The following KCNH7 variants were observed in gnomAD, a reference collection of about 807,000 sequenced individuals.
KCNH7 encodes voltage-gated inwardly rectifying potassium channel KCNH7.
KCNH7 carries 49 observed loss-of-function variants against 120.8 expected under a neutral mutation model. That is an observed-to-expected ratio of 0.41 (90% CI 0.32 to 0.51). The LOEUF (loss-of-function observed/expected upper bound fraction) is 0.51, where lower values mean the gene tolerates loss of function less well. Among genes scored for constraint, KCNH7 ranks in the 20% least tolerant of loss-of-function variants. The probability of loss-of-function intolerance (pLI) is 0.38; values close to 1 mark genes in which losing one functional copy is unlikely to be tolerated. For missense variants in KCNH7, 1,097 were observed against 1,446.6 expected (o/e 0.76, Z 3.92); for synonymous variants, 547 against 516.1 (o/e 1.06, Z -0.81).
At chr2:162,764,727 T>C (rs1436055218) in intron 2 of KCNH7, among the ~76,000 whole-genome samples, 2 of 152,198 alleles carry the variant, frequency 1.3e-5, no homozygotes, top group African/African-American at 4.8e-5. Context: ...AAGACATTTG[T>C]AAAAATGTCC....
intron 6 of KCNH7, among the ~76,000 whole-genome samples, chr2:162,474,219 AT>A (rs1689657892): frequency 6.6e-6 from 1 of 152,254 alleles, no homozygotes; most frequent in Admixed American, 6.5e-5. Context: ...CAGAACCAGG[AT>A]TAGAAGCCAG....
chr2:162,533,400 G>T (rs527712293), intron 3 of KCNH7, among the ~76,000 whole-genome samples: 1 of 151,584 alleles, frequency 6.6e-6, no homozygotes, highest in African/African-American at 2.4e-5. Flanking sequence ...ATAAAGAAAA[G>T]CTTCACATTG....
chr2:162,640,968 C>T (rs1216530308), intron 2 of KCNH7, among the ~76,000 whole-genome samples: 1 of 151,962 alleles, frequency 6.6e-6, no homozygotes, highest in Non-Finnish European at 1.5e-5. Flanking sequence ...CAAATTAAAA[C>T]CAAAATGAGA....
At chr2:162,729,097 A>C (rs888571448) in intron 2 of KCNH7, among the ~76,000 whole-genome samples, 4 of 151,450 alleles carry the variant, frequency 2.6e-5, no homozygotes, top group Non-Finnish European at 4.4e-5. Context: ...ATATATGTAC[A>C]TCTGTCTCTC....
At chr2:162,501,381 C>T (rs896837884) in intron 6 of KCNH7, among the ~76,000 whole-genome samples, 1 of 152,016 alleles carries the variant, frequency 6.6e-6, no homozygotes, top group Non-Finnish European at 1.5e-5. Context: ...TCATACCTCT[C>T]CAGTTGGGGT....
chr2:162,731,707 C>A (rs1687736633), intron 2 of KCNH7, among the ~76,000 whole-genome samples: 1 of 151,730 alleles, frequency 6.6e-6, no homozygotes, highest in South Asian at 2.1e-4. Context: ...TGAAAATGAT[C>A]TATACTAAAT....
At chr2:162,402,912 T>C (rs963905130) in intron 9 of KCNH7, among the ~76,000 whole-genome samples, 2 of 151,868 alleles carry the variant, frequency 1.3e-5, no homozygotes, top group South Asian at 2.1e-4. Context: ...CCTGAATGTG[T>C]TATATGAGCT....
At chr2:162,485,353 C>T (rs1690059112) in intron 6 of KCNH7, among the ~76,000 whole-genome samples, 1 of 152,156 alleles carries the variant, frequency 6.6e-6, no homozygotes, top group African/African-American at 2.4e-5. Flanking sequence ...TGATAATAAT[C>T]TTTCTCTTTT....
chr2:162,591,491 CA>C (rs1694215671), intron 2 of KCNH7, among the ~76,000 whole-genome samples: 1 of 151,966 alleles, frequency 6.6e-6, no homozygotes, highest in Non-Finnish European at 1.5e-5. Context: ...GTGGAGGACA[CA>C]AACACACACT....
intron 2 of KCNH7, among the ~76,000 whole-genome samples, chr2:162,608,850 G>A (rs999589804): frequency 6.6e-6 from 1 of 152,156 alleles, no homozygotes; most frequent in African/African-American, 2.4e-5. Flanking sequence ...TTACTGTATG[G>A]TTTTATATTG....
At chr2:162,760,301 G>T (rs933568559) in intron 2 of KCNH7, among the ~76,000 whole-genome samples, 1 of 151,958 alleles carries the variant, frequency 6.6e-6, no homozygotes, top group Non-Finnish European at 1.5e-5. Context: ...TGGTTAAACA[G>T]GAAATTAGTT....
At chr2:162,804,103 AT>A (rs1198216947) in intron 2 of KCNH7, among the ~76,000 whole-genome samples, 2 of 151,816 alleles carry the variant, frequency 1.3e-5, no homozygotes, top group African/African-American at 4.8e-5. Flanking sequence ...CAAATATGAA[AT>A]TTTCTAATTC....
At position 162,446,036 on chromosome 2, in the gene KCNH7, A is replaced by G. The variant is rs758684687; in HGVS notation, c.1536T>C (p.Phe512=). The G allele has an allele frequency of 3.1e-6, 5 of 1,613,010 alleles. No individual in the cohort carries two copies. The highest frequency in any genetic ancestry group is 4.2e-6 in the Non-Finnish European group (5 of 1,179,448). ...VAAIPFDLLI[F]GSGSDETTTL... Reference sequence around the variant, plus strand: ...TTCTTACCTCATCAGAACCTGATCCAAAAATCAGCAAGTCAAAAGGAATTG... The same window carrying G: ...TTCTTACCTCATCAGAACCTGATCCGAAAATCAGCAAGTCAAAAGGAATTG... Residue 512 remains phenylalanine, a synonymous_variant, in exon 7 of 16, where the codon TTT becomes TTC. Transcript: ENST00000332142.
At chr2:162,470,357 C>A (rs1049767731) in intron 6 of KCNH7, among the ~76,000 whole-genome samples, 1 of 151,572 alleles carries the variant, frequency 6.6e-6, no homozygotes, top group African/African-American at 2.4e-5. Flanking sequence ...TGCCCGGCCG[C>A]GACCCTGTCT....
chr2:162,566,172 C>G (rs1029815164), intron 2 of KCNH7, among the ~76,000 whole-genome samples: 1 of 151,514 alleles, frequency 6.6e-6, no homozygotes, highest in Non-Finnish European at 1.5e-5. Flanking sequence ...TCCTCCTCCT[C>G]AAAAAAAAGC....
At chr2:162,457,345 G>A (rs1028525013) in intron 6 of KCNH7, among the ~76,000 whole-genome samples, 6 of 151,894 alleles carry the variant, frequency 4.0e-5, no homozygotes, top group African/African-American at 1.4e-4. Flanking sequence ...AAAAAATAAG[G>A]AATAAAAAAA....
chr2:162,496,384 T>C (rs1690498268), intron 6 of KCNH7, among the ~76,000 whole-genome samples: 1 of 152,096 alleles, frequency 6.6e-6, no homozygotes. Context: ...TGCAGTGGAC[T>C]AAGGGCCCGC....
At chr2:162,682,232 T>C (rs1685735857) in intron 2 of KCNH7, among the ~76,000 whole-genome samples, 1 of 151,682 alleles carries the variant, frequency 6.6e-6, no homozygotes, top group Non-Finnish European at 1.5e-5. Context: ...TGAATGTCCA[T>C]AGGTGCCAGG....
At chr2:162,482,417 C>T (rs1689959678) in intron 6 of KCNH7, among the ~76,000 whole-genome samples, 1 of 151,816 alleles carries the variant, frequency 6.6e-6, no homozygotes, top group African/African-American at 2.4e-5. Context: ...GAGCAAATGC[C>T]AAAATGTCTT....
Sources: gnomAD v4.1 joint callset for allele counts (sites outside exome capture counted in the v4.1 genomes callset) on GRCh38, gnomAD v4.1.1 for gene constraint, MANE v1.5 for transcripts, NCBI Gene and HGNC (gene_info 2026-07-23, HGNC 2026-07-21) for gene names.